Variants in FAM222B observed in about 807,000 individuals in gnomAD.
The protein encoded by FAM222B is family with sequence similarity 222 member B.
Under a neutral mutation model 38.0 loss-of-function variants are expected in FAM222B, and 12 were observed. The observed-to-expected ratio is 0.32, with a 90% CI of 0.20 to 0.51. The LOEUF is 0.51. Among genes scored for constraint, FAM222B ranks in the 20% least tolerant of loss-of-function variants. The pLI is 0.97. For missense variants in FAM222B, 716 were observed against 754.2 expected (o/e 0.95, Z 0.59); for synonymous variants, 329 against 317.2 (o/e 1.04, Z -0.40).
intron 1 of FAM222B, among the ~76,000 whole-genome samples, chr17:28,777,941 A>G (rs2035967174): frequency 6.7e-6 from 1 of 150,100 alleles, no homozygotes; most frequent in South Asian, 2.1e-4. Flanking sequence ...GGCATGAGCT[A>G]CCATGCCTGG....
chr17:28,767,977 C>T (rs1421523111), intron 1 of FAM222B, among the ~76,000 whole-genome samples: 3 of 152,156 alleles, frequency 2.0e-5, no homozygotes, highest in Non-Finnish European at 4.4e-5. Flanking sequence ...CAGCTCTCTT[C>T]GTGCAGGCAA....
At chr17:28,792,055 T>C (rs558912743) in intron 1 of FAM222B, among the ~76,000 whole-genome samples, 1 of 150,634 alleles carries the variant, frequency 6.6e-6, no homozygotes, top group East Asian at 2.0e-4. Context: ...CTCACGCCTG[T>C]AATCCCAGCA....
intron 1 of FAM222B, chr17:28,848,773 A>G (rs949846925): frequency 6.6e-6 from 1 of 152,060 alleles, no homozygotes; most frequent in Non-Finnish European, 1.5e-5. Flanking sequence ...GAAAAAAAGA[A>G]ATTCAAGTAG....
chr17:28,805,660 A>C (rs2037459989), intron 1 of FAM222B, among the ~76,000 whole-genome samples: 1 of 152,176 alleles, frequency 6.6e-6, no homozygotes, highest in Admixed American at 6.5e-5. Context: ...CAAAAAAAAA[A>C]AGAAAGAAAG....
At chr17:28,791,435 AC>A (rs1236239389) in intron 1 of FAM222B, among the ~76,000 whole-genome samples, 2 of 152,028 alleles carry the variant, frequency 1.3e-5, no homozygotes, top group Non-Finnish European at 2.9e-5. Flanking sequence ...TTTTTGAATA[AC>A]ATTTTCTCCA....
In FAM222B at chr17:28,759,005, T is replaced by C; in HGVS notation, c.954A>G (p.Pro318=). 6.2e-7 allele frequency: 1 copy of C among 1,612,902 alleles called. No individual in the cohort carries two copies. Among genetic ancestry groups the C allele is most frequent in the African/African-American group, 1.3e-5 (1 of 75,040 alleles). ...TGGGATTGACCACACATGAAGGCAT[T>C]GGTGTGGGGACGCTGTGGGTCGACA... ...TRVSTHSVPT[P]MPSCVVNPME... The change falls in exon 3 of 3, where the codon CCA becomes CCG. Residue 318 remains proline, a synonymous_variant. Coordinates refer to ENST00000581407, the MANE Select transcript of FAM222B (RefSeq NM_001077498.3). This position sits in a 1 kb window ranked among gnomAD's most constrained non-coding sequence, Gnocchi z 4.8.
intron 1 of FAM222B, among the ~76,000 whole-genome samples, chr17:28,789,854 T>C (rs1011865677): frequency 1.3e-5 from 2 of 152,200 alleles, no homozygotes; most frequent in African/African-American, 4.8e-5. Flanking sequence ...AGATGCTTAG[T>C]TGGTGAGGGA....
chr17:28,844,090 T>C (rs1412717900), upstream of FAM222B, among the ~76,000 whole-genome samples: 1 of 152,174 alleles, frequency 6.6e-6, no homozygotes, highest in Admixed American at 6.6e-5. Flanking sequence ...GAGGCCCAAC[T>C]GTCAGTCCCT....
intron 2 of FAM222B, among the ~76,000 whole-genome samples, chr17:28,763,928 A>G (rs914691289): frequency 2.0e-5 from 3 of 152,200 alleles, no homozygotes; most frequent in Admixed American, 6.5e-5. Flanking sequence ...AGAAGCAGTA[A>G]AAGAAGGTAA....
chr17:28,842,054 T>C (rs1313934925), intron 1 of FAM222B, among the ~76,000 whole-genome samples: 1 of 152,190 alleles, frequency 6.6e-6, no homozygotes, highest in Non-Finnish European at 1.5e-5. Flanking sequence ...AATTCACAAT[T>C]TGCATAAACA....
rs71135859 is a variant in FAM222B, at chr17:28,822,802, C to CAAAA, written c.-41+19876_-41+19879dup. ...TGGGCGATAGAGCAAGACTCCATCT[C>CAAAA]AAAAAAAAAAAAAAAAAAAAAAAAA... On this transcript the variant is annotated intron_variant, in intron 1 of 2. Transcript: ENST00000581407. Among the ~76,000 whole-genome samples, 14 of 9,880 alleles carry CAAAA rather than the reference C, an allele frequency of 1.4e-3. 1 individual carries two copies. The highest frequency in any genetic ancestry group is 1.7e-3 in the Non-Finnish European group (9 of 5,412). The allele number at this position is 9,880 out of a possible 152,430, so 6.5% of individuals were successfully genotyped here. A position where few individuals can be genotyped will look rare whatever the true frequency, so the allele number is the denominator to read the frequency against.
At chr17:28,796,102 G>C (rs934573442) in intron 1 of FAM222B, among the ~76,000 whole-genome samples, 5 of 152,166 alleles carry the variant, frequency 3.3e-5, no homozygotes, top group African/African-American at 4.8e-5. Context: ...GGTGTGAAAT[G>C]TGTCATACCG....
chr17:28,795,318 T>C (rs1473322279), intron 1 of FAM222B, among the ~76,000 whole-genome samples: 3 of 152,158 alleles, frequency 2.0e-5, no homozygotes, highest in Admixed American at 6.5e-5. Flanking sequence ...TTAACTTTTG[T>C]ATTTTTAGTA....
chr17:28,833,638 T>G (rs961889419), intron 1 of FAM222B, among the ~76,000 whole-genome samples: 4 of 146,404 alleles, frequency 2.7e-5, no homozygotes, highest in African/African-American at 1.0e-4. Context: ...AAAAAGAAGT[T>G]CACAGAAAAA....
chr17:28,789,000 C>T (rs1416392339), intron 1 of FAM222B, among the ~76,000 whole-genome samples: 3 of 149,672 alleles, frequency 2.0e-5, no homozygotes, highest in Non-Finnish European at 4.4e-5. Flanking sequence ...GCCTGCCTGC[C>T]TCGGCCTCCC....
chr17:28,808,511 T>C (rs972254102), intron 1 of FAM222B, among the ~76,000 whole-genome samples: 16 of 152,342 alleles, frequency 1.1e-4, no homozygotes, highest in Non-Finnish European at 2.1e-4. Flanking sequence ...TAAGCAACCA[T>C]TCTTTAGGAA....
intron 1 of FAM222B, among the ~76,000 whole-genome samples, chr17:28,840,146 C>T (rs2038986270): frequency 6.6e-6 from 1 of 152,056 alleles, no homozygotes; most frequent in Non-Finnish European, 1.5e-5. Flanking sequence ...GAGGCCGAGG[C>T]AGGCGGATCA....
At chr17:28,813,164 A>C (rs931058600) in intron 1 of FAM222B, among the ~76,000 whole-genome samples, 9 of 149,124 alleles carry the variant, frequency 6.0e-5, no homozygotes, top group South Asian at 2.1e-4. Context: ...AAAAAAAAAA[A>C]CACACATAGT....
chr17:28,769,174 CTTTTTTTTTTTT>C (rs35918064), intron 1 of FAM222B, among the ~76,000 whole-genome samples: 1 of 82,542 alleles, frequency 1.2e-5, no homozygotes, highest in African/African-American at 4.5e-5. Context: ...AATGTTAGTT[CTTTTTTTTTTTT>C]TTTTTTTTTT....
Sources: gnomAD v4.1 joint callset for allele counts (sites outside exome capture counted in the v4.1 genomes callset) on GRCh38, gnomAD v4.1.1 for gene constraint, Gnocchi (gnomAD v3.1) non-coding constraint, MANE v1.5 for transcripts, NCBI Gene and HGNC (gene_info 2026-07-23, HGNC 2026-07-21) for gene names.